SF3B3: variants seen among roughly 807,000 people sequenced by gnomAD.
SF3B3 encodes the protein SAP 130.
A neutral mutation model predicts 139.2 loss-of-function variants in SF3B3; 33 were observed. The ratio of observed to expected loss-of-function variants is 0.24; its 90% CI spans 0.18 to 0.32. The LOEUF (loss-of-function observed/expected upper bound fraction) is 0.32. Among genes scored for constraint, SF3B3 ranks in the 10% least tolerant of loss-of-function variants. The probability of loss-of-function intolerance (pLI) is 1.00; values close to 1 mark genes in which losing one functional copy is unlikely to be tolerated. For missense variants in SF3B3, 818 were observed against 1,509.4 expected (o/e 0.54, Z 7.59); for synonymous variants, 596 against 563.6 (o/e 1.06, Z -0.81).
intron 11 of SF3B3, among the ~76,000 whole-genome samples, chr16:70,553,653 G>C (rs1490501333): frequency 6.6e-6 from 1 of 151,882 alleles, no homozygotes; most frequent in African/African-American, 2.4e-5. Flanking sequence ...TGTAGGGTGA[G>C]ATACATGGAA....
intron 11 of SF3B3, among the ~76,000 whole-genome samples, chr16:70,549,353 C>T (rs1362824825): frequency 1.3e-5 from 2 of 152,128 alleles, no homozygotes; most frequent in Non-Finnish European, 2.9e-5. Flanking sequence ...TCATTGTAGG[C>T]ATTTGAATCA....
intron 4 of SF3B3, among the ~76,000 whole-genome samples, chr16:70,531,757 A>G (rs1027991598): frequency 6.6e-6 from 1 of 152,260 alleles, no homozygotes; most frequent in African/African-American, 2.4e-5. Flanking sequence ...ACTTGAAGCT[A>G]TGTTTAAGGT....
intron 17 of SF3B3, 54 bp from the exon 18 acceptor site, chr16:70,563,822 C>G: frequency 5.8e-6 from 9 of 1,557,460 alleles, no homozygotes; most frequent in Non-Finnish European, 7.9e-6. Flanking sequence ...TATTTCAACA[C>G]CAGTTTCTGG....
At chr16:70,562,590 C>T (rs1417520811) in intron 17 of SF3B3, among the ~76,000 whole-genome samples, 1 of 152,108 alleles carries the variant, frequency 6.6e-6, no homozygotes. Flanking sequence ...TAGAATGCTT[C>T]ACCCACATAC....
chr16:70,530,976 A>C (rs1197325165), intron 4 of SF3B3, 59 bp downstream of exon 4: 17 of 1,506,180 alleles, frequency 1.1e-5, no homozygotes, highest in Non-Finnish European at 1.4e-5. Flanking sequence ...TTTTTTTAAG[A>C]TTGTTTTCCG....
chr16:70,568,493 G>T lies in SF3B3; in HGVS notation c.3163G>T (p.Val1055Leu), dbSNP rs1307517872. Reference protein sequence around the residue: ...AGADKFGNICVVRLPPNTNDE... With the variant: ...AGADKFGNICLVRLPPNTNDE... ...GGCAGACAAGTTTGGCAACATATGTGTGGTGAGTTGATGTTGTTAACTTGG... is the reference window on the plus strand; with the variant it reads ...GGCAGACAAGTTTGGCAACATATGTTTGGTGAGTTGATGTTGTTAACTTGG... Residue 1055 changes from valine to leucine, a missense_variant and splice_region_variant, in exon 22 of 26, where the codon GTG (valine) becomes TTG (leucine). By Grantham distance (32) the Val-to-Leu change is conservative (BLOSUM62 1). Around this residue, in one of 14 missense-constraint regions of SF3B3, gnomAD observed 91 missense variants for 171.8 expected, o/e 0.53. Transcript: ENST00000302516. 6.2e-7 allele frequency: 1 copy of T among 1,612,336 alleles called. No individual in the cohort carries two copies. The highest frequency in any genetic ancestry group is 2.2e-5 in the East Asian group (1 of 44,870).
intron 5 of SF3B3, among the ~76,000 whole-genome samples, chr16:70,534,463 G>C (rs2050148372): frequency 6.6e-6 from 1 of 152,072 alleles, no homozygotes; most frequent in Non-Finnish European, 1.5e-5. Flanking sequence ...AGACTGATGA[G>C]GACATTAAGA....
chr16:70,549,245 A>G (rs971051272), intron 11 of SF3B3, among the ~76,000 whole-genome samples: 3 of 152,208 alleles, frequency 2.0e-5, no homozygotes, highest in African/African-American at 2.4e-5. Flanking sequence ...TGATATTTAG[A>G]TATTCTGCCT....
chr16:70,525,534 C>G (rs912822947), intron 1 of SF3B3, among the ~76,000 whole-genome samples: 5 of 152,150 alleles, frequency 3.3e-5, no homozygotes, highest in Admixed American at 1.3e-4. Flanking sequence ...AAGTAACTTG[C>G]GGGGAGCTGT....
At position 70,538,057 on chromosome 16, in the gene SF3B3, T is replaced by G. The variant is rs759763973; in HGVS notation, c.826-266T>G. 4.7e-6 allele frequency: 3 copies of G among 639,948 alleles called. No individual in the cohort carries two copies. The African/African-American group carries it at 5.3e-5, about 11-fold the overall frequency. 39.6% of individuals were successfully genotyped at this position (639,948 alleles called of 1,614,324 possible). On this transcript the variant is annotated intron_variant, in intron 6 of 25. Transcript: ENST00000302516. The stretch of plus-strand genomic sequence containing the variant: ...ATTTCATGTCTCTTCTCTGACATTT[T>G]TCTCTGGACACAGTTTTTGCCTTAT...
chr16:70,554,128 G>C (rs1270364236), intron 11 of SF3B3: 3 of 185,412 alleles, frequency 1.6e-5, no homozygotes, highest in Admixed American at 5.7e-5. Context: ...TGAAGCTCTA[G>C]CTCAGTATGT....
chr16:70,529,951 G>T (rs2050104287), intron 3 of SF3B3, among the ~76,000 whole-genome samples: 1 of 151,544 alleles, frequency 6.6e-6, no homozygotes, highest in African/African-American at 2.4e-5. Context: ...TGGCCAACAT[G>T]GTGAAACCCA....
chr16:70,553,072 AATTTTTGT>A (rs1335745741), intron 11 of SF3B3, among the ~76,000 whole-genome samples: 1 of 151,868 alleles, frequency 6.6e-6, no homozygotes, highest in East Asian at 1.9e-4. Context: ...ACACCCAGCT[AATTTTTGT>A]ATTTTATTTT....
intron 3 of SF3B3, among the ~76,000 whole-genome samples, chr16:70,530,098 C>T (rs1490669664): frequency 2.7e-5 from 4 of 150,588 alleles, no homozygotes; most frequent in Non-Finnish European, 5.9e-5. Flanking sequence ...TGCACTCCAG[C>T]CCGGACGACA....
intron 22 of SF3B3, among the ~76,000 whole-genome samples, chr16:70,568,696 C>G (rs2050500327): frequency 6.6e-6 from 1 of 152,178 alleles, no homozygotes; most frequent in Non-Finnish European, 1.5e-5. Context: ...GTTTATCTCC[C>G]TCCTCCCTAT....
At position 70,563,171 on chromosome 16, in the gene SF3B3, T is replaced by C. The variant is rs536876783; in HGVS notation, c.2289-705T>C. ...TTTCAACAGAGTTGGTGTTTCACCATGTTACCCAGGCTTGTCTTGAACTCC... is the reference window on the plus strand; with the variant it reads ...TTTCAACAGAGTTGGTGTTTCACCACGTTACCCAGGCTTGTCTTGAACTCC... On this transcript the variant is annotated intron_variant, in intron 17 of 25. Coordinates refer to ENST00000302516, the MANE Select transcript of SF3B3 (RefSeq NM_012426.5). 9.1e-4 allele frequency among the ~76,000 whole-genome samples: 139 copies of C among 152,316 alleles called. No homozygotes were observed. In the Middle Eastern group the frequency reaches 0.01, roughly 11 times the overall value.
intron 13 of SF3B3, among the ~76,000 whole-genome samples, chr16:70,555,497 A>C (rs1181595152): frequency 6.6e-6 from 1 of 151,530 alleles, no homozygotes; most frequent in Non-Finnish European, 1.5e-5. Context: ...AAAAAAAAAA[A>C]AAAGCGAGCT....
At chr16:70,535,444 G>C in intron 6 of SF3B3, 24 bp downstream of exon 6, 1 of 1,347,968 alleles carries the variant, frequency 7.4e-7, no homozygotes, top group Non-Finnish European at 1.1e-6. Flanking sequence ...TATAAGAAGA[G>C]AGAGATTTGT....
intron 6 of SF3B3, 90 bp downstream of exon 6, chr16:70,535,510 T>C (rs2050157916): frequency 3.0e-6 from 2 of 669,862 alleles, no homozygotes; most frequent in Non-Finnish European, 4.8e-6. Flanking sequence ...TTTAGTTTTT[T>C]TGTAAATTAA....
Sources: gnomAD v4.1 joint callset for allele counts (sites outside exome capture counted in the v4.1 genomes callset) on GRCh38, gnomAD v4.1.1 for gene constraint, gnomAD v4.1.1 regional missense constraint, MANE v1.5 for transcripts, NCBI Gene and HGNC (gene_info 2026-07-23, HGNC 2026-07-21) for gene names.